The following PTPRD variants were observed in gnomAD, a reference collection of about 807,000 sequenced individuals.
PTPRD encodes receptor-type tyrosine-protein phosphatase delta.
In PTPRD, 34 loss-of-function variants were observed where a neutral mutation model predicts 214.5. The observed-to-expected ratio is 0.16, with a 90% CI of 0.12 to 0.21. The LOEUF (loss-of-function observed/expected upper bound fraction) is 0.21. PTPRD is among the 10% of genes least tolerant of loss of function. The pLI is 1.00. For missense variants in PTPRD, 2,545 were observed against 2,398.7 expected, an observed-to-expected ratio of 1.06 and a Z score of -1.27; for synonymous variants, 1,128 against 845.7, an observed-to-expected ratio of 1.33 and a Z score of -5.79.
chr9:8,338,311 G>A (rs914784535), intron 43 of PTPRD, among the ~76,000 whole-genome samples: 1 of 151,976 alleles, frequency 6.6e-6, no homozygotes, highest in African/African-American at 2.4e-5. Flanking sequence ...GCTGAACCTT[G>A]GACTCAACAA....
In PTPRD at chr9:8,947,003, T is replaced by C. The variant is rs373386245; in HGVS notation, c.-104+71694A>G. Reference sequence around the variant, plus strand: ...TTTTCTTTCTCAAGCTTTCTATCTCTGTCTCTCTGTATTTTTTTTTCTTTT... The same window carrying C: ...TTTTCTTTCTCAAGCTTTCTATCTCCGTCTCTCTGTATTTTTTTTTCTTTT... On this transcript the variant is annotated intron_variant, in intron 11 of 45. Coordinates refer to ENST00000381196, the MANE Select transcript of PTPRD (RefSeq NM_002839.4). Among the ~76,000 whole-genome samples the C allele has an allele frequency of 2.1e-4, 30 of 146,108 alleles. 1 individual carries two copies. Among genetic ancestry groups the C allele is most frequent in the Non-Finnish European group, 4.3e-4 (29 of 67,030 alleles).
chr9:9,144,594 A>C (rs914500317), intron 10 of PTPRD, among the ~76,000 whole-genome samples: 3 of 152,120 alleles, frequency 2.0e-5, no homozygotes, highest in African/African-American at 4.8e-5. Context: ...TCTACTAAAA[A>C]TAGAAAAAAT....
chr9:9,556,269 T>C (rs542441828), intron 8 of PTPRD, among the ~76,000 whole-genome samples: 24 of 152,288 alleles, frequency 1.6e-4, no homozygotes, highest in African/African-American at 5.8e-4. Flanking sequence ...AAGGTCTTCA[T>C]CCTCATTGTC....
chr9:9,629,964 T>C (rs912710988), intron 7 of PTPRD, among the ~76,000 whole-genome samples: 1 of 150,262 alleles, frequency 6.7e-6, no homozygotes, highest in Non-Finnish European at 1.5e-5. Flanking sequence ...AGGAAAAGGT[T>C]AAGACAGCAG....
At chr9:10,556,847 G>C (rs112080913) in intron 2 of PTPRD, among the ~76,000 whole-genome samples, 3,793 of 152,166 alleles carry the variant, frequency 0.025, 52 homozygotes, top group South Asian at 0.044. Flanking sequence ...TTAAGCAACA[G>C]ATAGTGATTT....
At chr9:9,275,357 A>T (rs2133202205) in intron 9 of PTPRD, among the ~76,000 whole-genome samples, 1 of 148,474 alleles carries the variant, frequency 6.7e-6, no homozygotes, top group East Asian at 2.0e-4. Flanking sequence ...TATATTGTAA[A>T]ATGTCCTTTG....
At chr9:10,130,659 TA>T (rs2098860950) in intron 3 of PTPRD, among the ~76,000 whole-genome samples, 1 of 151,968 alleles carries the variant, frequency 6.6e-6, no homozygotes, top group African/African-American at 2.4e-5. Flanking sequence ...CGATTATAAG[TA>T]AAAACTAATC....
chr9:9,075,989 G>A (rs2099750604), intron 10 of PTPRD, among the ~76,000 whole-genome samples: 1 of 152,160 alleles, frequency 6.6e-6, no homozygotes, highest in South Asian at 2.1e-4. Flanking sequence ...TCGCCATACT[G>A]TCTTCCACAA....
intron 10 of PTPRD, among the ~76,000 whole-genome samples, chr9:9,153,370 T>G (rs80097209): frequency 6.6e-6 from 1 of 152,140 alleles, no homozygotes; most frequent in Non-Finnish European, 1.5e-5. Context: ...AACAGGTCTG[T>G]GTGTGCCTGA....
intron 8 of PTPRD, among the ~76,000 whole-genome samples, chr9:9,424,436 G>A (rs889867946): frequency 2.0e-5 from 3 of 152,168 alleles, no homozygotes; most frequent in Admixed American, 6.5e-5. Context: ...AATAGCCCAC[G>A]GCATTGTGTA....
chr9:8,482,680 A>T (rs964413155), intron 30 of PTPRD, among the ~76,000 whole-genome samples: 4 of 152,178 alleles, frequency 2.6e-5, no homozygotes, highest in African/African-American at 9.7e-5. Flanking sequence ...AAGAGCTGTA[A>T]TGGGTTGCCA....
chr9:8,536,165 T>G (rs902761740), intron 14 of PTPRD, among the ~76,000 whole-genome samples: 4 of 151,964 alleles, frequency 2.6e-5, no homozygotes, highest in Admixed American at 2.6e-4. Context: ...AGATTTGGTG[T>G]CTTTTTATTG....
chr9:9,757,935 C>T (rs910377625), intron 6 of PTPRD, among the ~76,000 whole-genome samples: 2 of 151,984 alleles, frequency 1.3e-5, no homozygotes, highest in Non-Finnish European at 2.9e-5. Flanking sequence ...CTGGGGGGTT[C>T]CTAGAACCCC....
intron 11 of PTPRD, among the ~76,000 whole-genome samples, chr9:8,961,758 A>G (rs1227991950): frequency 6.6e-6 from 1 of 152,104 alleles, no homozygotes; most frequent in African/African-American, 2.4e-5. Context: ...CGATGTAAAG[A>G]CATCTGCATA....
chr9:9,813,968 T>C (rs1166360272), intron 5 of PTPRD, among the ~76,000 whole-genome samples: 1 of 152,188 alleles, frequency 6.6e-6, no homozygotes, highest in Non-Finnish European at 1.5e-5. Flanking sequence ...AAGTGGGATT[T>C]ATCTCTGGGC....
At chr9:10,525,728 G>GTGTGTGTGTC (rs1491195119) in intron 2 of PTPRD, among the ~76,000 whole-genome samples, 2 of 1,030 alleles carry the variant, frequency 1.9e-3, no homozygotes, top group African/African-American at 3.0e-3. Context: ...GATTTTCAAA[G>GTGTGTGTGTC]TGTGTGTGTG....
chr9:9,533,758 A>C (rs1348494762), intron 8 of PTPRD, among the ~76,000 whole-genome samples: 1 of 152,082 alleles, frequency 6.6e-6, no homozygotes, highest in Non-Finnish European at 1.5e-5. Flanking sequence ...ACCATTGAGC[A>C]AAGGATATTT....
chr9:9,319,906 T>A (rs1489367758), intron 9 of PTPRD, among the ~76,000 whole-genome samples: 1 of 152,134 alleles, frequency 6.6e-6, no homozygotes, highest in Non-Finnish European at 1.5e-5. Flanking sequence ...AGTAACTGCA[T>A]GGTTACATAA....
intron 10 of PTPRD, among the ~76,000 whole-genome samples, chr9:9,172,072 A>G (rs373433383): frequency 4.1e-4 from 63 of 152,274 alleles, no homozygotes; most frequent in African/African-American, 1.4e-3. Flanking sequence ...CCAGTGTACC[A>G]GTGATTTGAA....
Sources: allele counts gnomAD v4.1 joint callset (sites outside exome capture counted in the v4.1 genomes callset), GRCh38; gene constraint gnomAD v4.1.1; transcripts MANE v1.5; gene names NCBI Gene and HGNC (gene_info 2026-07-23, HGNC 2026-07-21).